The following NFATC1 variants were observed in gnomAD, a reference collection of about 807,000 sequenced individuals.
NFATC1 encodes nuclear factor of activated T-cells, cytoplasmic 1.
In NFATC1, 22 loss-of-function variants were observed where a neutral mutation model predicts 76.0. The ratio of observed to expected loss-of-function variants is 0.29; its 90% CI spans 0.21 to 0.41. NFATC1 has a LOEUF of 0.41. Among genes scored for constraint, NFATC1 ranks in the 10% least tolerant of loss-of-function variants. The probability of loss-of-function intolerance (pLI) is 1.00; values close to 1 mark genes in which losing one functional copy is unlikely to be tolerated. For synonymous variants in NFATC1, 704 were observed against 613.1 expected, an observed-to-expected ratio of 1.15 and a Z score of -2.19; for missense variants, 1,357 against 1,337.7, an observed-to-expected ratio of 1.01 and a Z score of -0.23.
At chr18:79,438,069 G>A (rs559031834) in intron 3 of NFATC1, among the ~76,000 whole-genome samples, 74 of 152,340 alleles carry the variant, frequency 4.9e-4, no homozygotes, top group African/African-American at 1.8e-3. Flanking sequence ...TCTCCATCTG[G>A]GGGACTGTGG....
At chr18:79,464,505 A>G (rs1228246908) in intron 7 of NFATC1, among the ~76,000 whole-genome samples, 2 of 151,888 alleles carry the variant, frequency 1.3e-5, no homozygotes, top group Non-Finnish European at 1.5e-5. Flanking sequence ...AAAAAAGGAA[A>G]TAAAACCTAG....
At chr18:79,490,473 G>T (rs1371355919) in intron 9 of NFATC1, among the ~76,000 whole-genome samples, 3 of 152,138 alleles carry the variant, frequency 2.0e-5, no homozygotes, top group African/African-American at 7.2e-5. Context: ...TCATGGTGGG[G>T]TAGTCCCTGA....
intron 9 of NFATC1, among the ~76,000 whole-genome samples, chr18:79,510,446 T>G (rs1287218367): frequency 6.6e-6 from 1 of 152,226 alleles, no homozygotes; most frequent in African/African-American, 2.4e-5. Flanking sequence ...CCAGGTGAGA[T>G]GAATGCGGCC....
intron 8 of NFATC1, among the ~76,000 whole-genome samples, chr18:79,475,234 T>C (rs1481146289): frequency 1.4e-5 from 2 of 145,498 alleles, no homozygotes; most frequent in East Asian, 4.4e-4. Flanking sequence ...GAGGGAAGTG[T>C]GTTCTCACGC....
intron 9 of NFATC1, 22 bp downstream of exon 9, chr18:79,486,959 G>C: frequency 1.9e-6 from 3 of 1,570,910 alleles, no homozygotes; most frequent in Non-Finnish European, 2.6e-6. Context: ...CAGCCATGCA[G>C]GTGTGTGCCC....
chr18:79,464,682 G>GTGTGTATA (rs1555911954), intron 7 of NFATC1, among the ~76,000 whole-genome samples: 5 of 100,790 alleles, frequency 5.0e-5, no homozygotes, highest in African/African-American at 2.3e-4. Context: ...ATATGTATGT[G>GTGTGTATA]TATATATATA....
At chr18:79,476,521 GCGCTTCCCCT>G (rs1286659507) in intron 8 of NFATC1, among the ~76,000 whole-genome samples, 1 of 152,232 alleles carries the variant, frequency 6.6e-6, no homozygotes, top group Non-Finnish European at 1.5e-5. Flanking sequence ...GGCCCCACTT[GCGCTTCCCCT>G]CGCTGCCGTG....
At chr18:79,473,751 G>A (rs577852526) in intron 8 of NFATC1, among the ~76,000 whole-genome samples, 4 of 148,984 alleles carry the variant, frequency 2.7e-5, no homozygotes, top group Non-Finnish European at 5.9e-5. Flanking sequence ...TCGACGTTGT[G>A]AGGGAAGTGT....
chr18:79,474,697 C>T (rs1478861852), intron 8 of NFATC1, among the ~76,000 whole-genome samples: 5 of 142,130 alleles, frequency 3.5e-5, no homozygotes, highest in Admixed American at 7.0e-5. Context: ...TCACTGTCGA[C>T]GTTGTGAGGG....
intron 9 of NFATC1, among the ~76,000 whole-genome samples, chr18:79,507,780 TAGTG>T (rs2090150349): frequency 1.3e-5 from 2 of 152,354 alleles, no homozygotes; most frequent in South Asian, 4.1e-4. Flanking sequence ...TAGTAAACGT[TAGTG>T]AGCGCATTCG....
At chr18:79,475,070 G>A in intron 8 of NFATC1, among the ~76,000 whole-genome samples, 1 of 120,710 alleles carries the variant, frequency 8.3e-6, no homozygotes, top group Non-Finnish European at 1.6e-5. Flanking sequence ...CCTGAGGGAA[G>A]TGTGTTCTCA....
intron 8 of NFATC1, among the ~76,000 whole-genome samples, chr18:79,482,555 TC>T (rs2089321757): frequency 7.4e-6 from 1 of 135,280 alleles, no homozygotes; most frequent in Non-Finnish European, 1.6e-5. Context: ...GTGACCTGGT[TC>T]CTGAGGTGTA....
chr18:79,457,276 G>A (rs2087784561), intron 6 of NFATC1, among the ~76,000 whole-genome samples: 1 of 152,216 alleles, frequency 6.6e-6, no homozygotes, highest in Admixed American at 6.5e-5. Flanking sequence ...CTCATGCCCT[G>A]AGGATGGCTC....
chr18:79,504,077 A>G (rs956116190), intron 9 of NFATC1, among the ~76,000 whole-genome samples: 8 of 152,178 alleles, frequency 5.3e-5, no homozygotes, highest in East Asian at 1.9e-4. Flanking sequence ...GATCACTCGG[A>G]CTTTCTCTGT....
chr18:79,414,837 T>C (rs1039963520), intron 2 of NFATC1, among the ~76,000 whole-genome samples: 4 of 152,210 alleles, frequency 2.6e-5, no homozygotes, highest in Admixed American at 6.5e-5. Context: ...TTCCGTGTGC[T>C]GTTGAGGGTG....
At chr18:79,433,040 G>A (rs142796661) in intron 2 of NFATC1, among the ~76,000 whole-genome samples, 6,314 of 152,306 alleles carry the variant, frequency 0.041, 196 homozygotes, top group Non-Finnish European at 0.068. Flanking sequence ...CTCCATGGAC[G>A]CCGTGTCCCT....
intron 3 of NFATC1, among the ~76,000 whole-genome samples, chr18:79,442,873 T>G (rs982813123): frequency 2.0e-5 from 3 of 149,150 alleles, no homozygotes; most frequent in South Asian, 2.2e-4. Flanking sequence ...CCCGGACAGC[T>G]CCCCACTCCC....
At chr18:79,461,450 C>T (rs376272030) in intron 7 of NFATC1, 84 bp downstream of exon 7, 393 of 1,382,244 alleles carry the variant, frequency 2.8e-4, no homozygotes, top group Middle Eastern at 9.9e-4. Context: ...TGCGGGTCCC[C>T]AGGCCTTGGG....
intron 9 of NFATC1, among the ~76,000 whole-genome samples, chr18:79,523,104 C>T (rs1259108442): frequency 2.0e-5 from 3 of 152,196 alleles, no homozygotes; most frequent in Non-Finnish European, 4.4e-5. Context: ...TTGCCGCTCC[C>T]GGGGCTGTTG....
Sources: gnomAD v4.1 joint callset for allele counts (sites outside exome capture counted in the v4.1 genomes callset) on GRCh38, gnomAD v4.1.1 for gene constraint, MANE v1.5 for transcripts, NCBI Gene and HGNC (gene_info 2026-07-23, HGNC 2026-07-21) for gene names.